NCAPD2: variants seen among roughly 807,000 people sequenced by gnomAD.
NCAPD2 encodes condensin complex subunit 1.
NCAPD2 carries 100 observed loss-of-function variants against 164.5 expected under a neutral mutation model. The ratio of observed to expected loss-of-function variants is 0.61; its 90% CI spans 0.52 to 0.72. The LOEUF is 0.72. Among genes scored for constraint, NCAPD2 ranks in the 30% least tolerant of loss-of-function variants. NCAPD2 has a pLI of 0.00. For synonymous variants in NCAPD2, 585 were observed against 642.6 expected (o/e 0.91, Z 1.36); for missense variants, 1,560 against 1,749.2 (o/e 0.89, Z 1.93).
chr12:6,505,246 A>G (rs1385335986), intron 2 of NCAPD2, among the ~76,000 whole-genome samples: 8 of 152,074 alleles, frequency 5.3e-5, no homozygotes, highest in African/African-American at 1.7e-4. Flanking sequence ...TTGTATCTTT[A>G]GTAGAGACAG....
chr12:6,510,000 G>A, intron 3 of NCAPD2, 75 bp from the exon 4 acceptor site: 1 of 1,481,560 alleles, frequency 6.7e-7, no homozygotes, highest in South Asian at 1.1e-5. Context: ...CGATTCCACG[G>A]GTTAGATCTG....
chr12:6,521,126 C>A lies in NCAPD2; in HGVS notation c.1714+16C>A. 6.2e-6 allele frequency: 10 copies of A among 1,612,694 alleles called. No individual in the cohort carries two copies. Among genetic ancestry groups the A allele is most frequent in the Non-Finnish European group, 8.5e-6 (10 of 1,179,414 alleles). On this transcript the variant is annotated intron_variant, in intron 14 of 31. Transcript: ENST00000315579. ...ATCTTCAAAGGTAATCATTTTCCTT[C>A]TTCAGTCAATAAATAACACATGTCA...
At chr12:6,524,852 G>T (rs1307351071) in intron 17 of NCAPD2, among the ~76,000 whole-genome samples, 1 of 152,112 alleles carries the variant, frequency 6.6e-6, no homozygotes, top group Non-Finnish European at 1.5e-5. Context: ...TGGGAAGCGT[G>T]CTCCTGCCAG....
At chr12:6,515,589 A>C (rs891815861) in intron 9 of NCAPD2, among the ~76,000 whole-genome samples, 1 of 152,124 alleles carries the variant, frequency 6.6e-6, no homozygotes, top group Non-Finnish European at 1.5e-5. Flanking sequence ...AACCCATGTC[A>C]TCTCTCTCAA....
chr12:6,502,799 C>T (rs1459001066), intron 2 of NCAPD2, among the ~76,000 whole-genome samples: 2 of 151,574 alleles, frequency 1.3e-5, no homozygotes, highest in African/African-American at 4.9e-5. Context: ...CGCAACACAA[C>T]AAACCCTGTC....
chr12:6,525,831 T>A, intron 18 of NCAPD2, 115 bp downstream of exon 18: 1 of 1,406,436 alleles, frequency 7.1e-7, no homozygotes, highest in Non-Finnish European at 9.6e-7. Flanking sequence ...CTGCTGTGAG[T>A]TATAACGCCA....
rs71579327 is a variant in NCAPD2, at chr12:6,529,393, CAG to C, written c.3573-119_3573-118del. The stretch of plus-strand genomic sequence containing the variant: ...AGGGCAAGGGGAGTGGTGAGGCAGA[CAG>C]GGGCCGTGGCAGAGAACATCAGAGA... On this transcript the variant is annotated intron_variant, in intron 27 of 31. Coordinates refer to ENST00000315579, the MANE Select transcript of NCAPD2 (RefSeq NM_014865.4). 6,021 of 904,610 alleles carry C rather than the reference CAG, an allele frequency of 6.7e-3. 253 individuals are homozygous for C. In the African/African-American group the frequency reaches 0.082, roughly 12 times the overall value. 56.0% of individuals were successfully genotyped at this position (904,610 alleles called of 1,614,324 possible).
At chr12:6,519,504 T>G (rs905696670) in intron 13 of NCAPD2, among the ~76,000 whole-genome samples, 33 of 152,194 alleles carry the variant, frequency 2.2e-4, no homozygotes, top group Non-Finnish European at 3.5e-4. Context: ...CTGGTTAATT[T>G]ATTTATAATT....
chr12:6,530,119 T>C (rs1392309879), intron 29 of NCAPD2, among the ~76,000 whole-genome samples, 161 bp downstream of exon 29: 12 of 152,220 alleles, frequency 7.9e-5, no homozygotes, highest in Non-Finnish European at 2.9e-5. Flanking sequence ...CAGATCTTTG[T>C]CTCCAGTTCT....
intron 10 of NCAPD2, 143 bp from the exon 11 acceptor site, chr12:6,517,222 C>T (rs1946210844): frequency 7.5e-7 from 1 of 1,335,908 alleles, no homozygotes; most frequent in Non-Finnish European, 1.0e-6. Context: ...CTTACCACTA[C>T]AAGGAGTACT....
chr12:6,518,279 C>G (rs1946222697), intron 13 of NCAPD2: 1 of 184,906 alleles, frequency 5.4e-6, no homozygotes, highest in Admixed American at 5.6e-5. Context: ...AGTTGCTTAA[C>G]TTTCTGTGCC....
intron 2 of NCAPD2, among the ~76,000 whole-genome samples, chr12:6,508,333 C>G (rs1483814476): frequency 6.6e-6 from 1 of 151,932 alleles, no homozygotes; most frequent in Non-Finnish European, 1.5e-5. Flanking sequence ...AAGACCCTAT[C>G]TTGAAAAAAA....
intron 15 of NCAPD2, 67 bp downstream of exon 15, chr12:6,522,104 T>G: frequency 6.5e-7 from 1 of 1,537,402 alleles, no homozygotes; most frequent in Non-Finnish European, 8.8e-7. Context: ...TTTTTTAAAT[T>G]TTTATTAACA....
intron 15 of NCAPD2, 117 bp downstream of exon 15, chr12:6,522,154 C>T (rs950845472): frequency 1.9e-5 from 22 of 1,164,748 alleles, no homozygotes; most frequent in African/African-American, 3.1e-5. Flanking sequence ...GGCTGGTCTC[C>T]AACTCCTGGG....
At position 6,527,011 on chromosome 12, in the gene NCAPD2, G is replaced by A. The variant is rs373602126; in HGVS notation, c.2855G>A (p.Arg952His). Residue 952 changes from arginine (R) to histidine (H), a missense_variant, in exon 22 of 32, where the codon CGC (arginine) becomes CAC (histidine). By Grantham distance (29) the Arg-to-His change is conservative (BLOSUM62 0). Transcript: ENST00000315579. Reference sequence around the variant, plus strand: ...GCAGTGAGTGGAGAGCTCTGCCGGCGCCGAGTTCTCCGGGAAGAACAGGAG... The same window carrying A: ...GCAGTGAGTGGAGAGCTCTGCCGGCACCGAGTTCTCCGGGAAGAACAGGAG... ...EQAVSGELCR[R>H]RVLREEQEHK... is the part of the protein sequence containing the mutation. The A allele has an allele frequency of 8.1e-6, 13 of 1,613,850 alleles. No individual in the cohort carries two copies. Among genetic ancestry groups the A allele is most frequent in the Admixed American group, 6.7e-5 (4 of 59,970 alleles).
intron 17 of NCAPD2, 114 bp from the exon 18 acceptor site, chr12:6,525,469 T>G: frequency 7.9e-7 from 1 of 1,260,784 alleles, no homozygotes; most frequent in South Asian, 1.5e-5. Context: ...TCTTTTTCTC[T>G]TCCTAAGTAT....
intron 2 of NCAPD2, among the ~76,000 whole-genome samples, chr12:6,501,012 T>C (rs1169574065): frequency 6.6e-6 from 1 of 151,720 alleles, no homozygotes; most frequent in Non-Finnish European, 1.5e-5. Flanking sequence ...TTGGATTGGA[T>C]TATAGGGTTA....
chr12:6,522,888 T>G lies in NCAPD2; in HGVS notation c.2015T>G (p.Leu672Arg). 6.2e-7 allele frequency: 1 copy of G among 1,614,152 alleles called. No homozygotes were observed. The highest frequency in any genetic ancestry group is 8.5e-7 in the Non-Finnish European group (1 of 1,180,014). Residue 672 changes from leucine (L) to arginine (R), a missense_variant, in exon 16 of 32, where the codon CTG becomes CGG. Leu to Arg is a moderately radical substitution (Grantham distance 102). Coordinates refer to ENST00000315579, the MANE Select transcript of NCAPD2 (RefSeq NM_014865.4). The part of the protein sequence containing the change: ...MVFQFGVPQA[L>R]FGVRRMLPLI... ...TTCCAATTTGGGGTACCCCAGGCCC[T>G]GTTTGGGGTGCGCCGTATGCTGCCT...
At chr12:6,523,619 G>A (rs530883585) in intron 17 of NCAPD2, among the ~76,000 whole-genome samples, 4 of 152,172 alleles carry the variant, frequency 2.6e-5, no homozygotes, top group South Asian at 4.1e-4. Context: ...AGCTGGTCTC[G>A]AACCCTTGAC....
Sources: allele counts gnomAD v4.1 joint callset (sites outside exome capture counted in the v4.1 genomes callset), GRCh38; gene constraint gnomAD v4.1.1; transcripts MANE v1.5; gene names NCBI Gene and HGNC (gene_info 2026-07-23, HGNC 2026-07-21).